PTPRD: variants seen among roughly 807,000 people sequenced by gnomAD.
The protein encoded by PTPRD is receptor-type tyrosine-protein phosphatase delta.
PTPRD carries 34 observed loss-of-function variants against 214.5 expected under a neutral mutation model. That is an observed-to-expected ratio of 0.16 (90% confidence interval 0.12 to 0.21). PTPRD has a LOEUF of 0.21. Ranked by LOEUF, PTPRD falls within the 10% of genes least tolerant of loss-of-function variation. The pLI is 1.00. For synonymous variants in PTPRD, 1,128 were observed against 845.7 expected (o/e 1.33, Z -5.79); for missense variants, 2,545 against 2,398.7 (o/e 1.06, Z -1.27).
chr9:9,799,774 G>A (rs2099027014), intron 5 of PTPRD, among the ~76,000 whole-genome samples: 1 of 152,144 alleles, frequency 6.6e-6, no homozygotes, highest in South Asian at 2.1e-4. Flanking sequence ...TAACAAAAGA[G>A]TTTGAGGCCT....
At chr9:9,669,706 T>C (rs2821478) in intron 7 of PTPRD, among the ~76,000 whole-genome samples, 37,944 of 152,040 alleles carry the variant, frequency 0.25, 5,763 homozygotes, top group Non-Finnish European at 0.34. Flanking sequence ...TCTGGCCAGT[T>C]TGAATAACTT....
chr9:8,957,070 A>G (rs1181411075), intron 11 of PTPRD, among the ~76,000 whole-genome samples: 1 of 151,900 alleles, frequency 6.6e-6, no homozygotes, highest in African/African-American at 2.4e-5. Context: ...TTTACCACTG[A>G]ATAGTCCCTT....
chr9:9,852,917 C>A (rs191246389), intron 5 of PTPRD, among the ~76,000 whole-genome samples: 1 of 152,192 alleles, frequency 6.6e-6, no homozygotes, highest in Admixed American at 6.5e-5. Context: ...GTGCACTATA[C>A]CTGAGTGAAT....
chr9:8,463,091 T>TA (rs2096458397), intron 32 of PTPRD, among the ~76,000 whole-genome samples: 1 of 151,748 alleles, frequency 6.6e-6, no homozygotes, highest in Non-Finnish European at 1.5e-5. Context: ...CCTGCATCTT[T>TA]AAAAAATTTA....
intron 14 of PTPRD, among the ~76,000 whole-genome samples, chr9:8,584,974 G>T (rs774971252): frequency 6.6e-6 from 1 of 152,172 alleles, no homozygotes; most frequent in South Asian, 2.1e-4. Flanking sequence ...CATGAGAACA[G>T]CACGGAGGTA....
At chr9:9,156,623 T>C (rs1270343334) in intron 10 of PTPRD, among the ~76,000 whole-genome samples, 1 of 152,174 alleles carries the variant, frequency 6.6e-6, no homozygotes, top group Non-Finnish European at 1.5e-5. Flanking sequence ...GACATCCATT[T>C]CAATGATTCA....
At chr9:8,723,283 C>T (rs1193269973) in intron 12 of PTPRD, among the ~76,000 whole-genome samples, 1 of 152,132 alleles carries the variant, frequency 6.6e-6, no homozygotes, top group Non-Finnish European at 1.5e-5. Context: ...TTCTTCGGCT[C>T]AAGTGTTGTA....
chr9:10,406,347 T>C (rs891712628), intron 2 of PTPRD, among the ~76,000 whole-genome samples: 1 of 151,540 alleles, frequency 6.6e-6, no homozygotes, highest in Non-Finnish European at 1.5e-5. Flanking sequence ...TTGTACAAAA[T>C]ACCTAATATT....
chr9:9,017,907 A>G (rs777836969), intron 11 of PTPRD, among the ~76,000 whole-genome samples: 1 of 152,130 alleles, frequency 6.6e-6, no homozygotes, highest in Non-Finnish European at 1.5e-5. Context: ...TTTATTGAAT[A>G]TCGTGTCTCT....
At chr9:9,827,111 C>T (rs924244140) in intron 5 of PTPRD, among the ~76,000 whole-genome samples, 5 of 152,052 alleles carry the variant, frequency 3.3e-5, no homozygotes, top group Admixed American at 2.0e-4. Flanking sequence ...GCCATCCTCC[C>T]CATCAAGCTA....
At chr9:9,242,842 TC>T (rs1479088650) in intron 9 of PTPRD, among the ~76,000 whole-genome samples, 2 of 152,160 alleles carry the variant, frequency 1.3e-5, no homozygotes, top group African/African-American at 4.8e-5. Context: ...TCTCAACTTG[TC>T]AAAGTCATTC....
intron 12 of PTPRD, among the ~76,000 whole-genome samples, chr9:8,730,133 G>A (rs1189554190): frequency 6.6e-6 from 1 of 152,126 alleles, no homozygotes. Context: ...GCGGGCACCT[G>A]TAGTCCCAGC....
At chr9:8,869,257 G>GAA (rs1170822140) in intron 11 of PTPRD, among the ~76,000 whole-genome samples, 1 of 152,134 alleles carries the variant, frequency 6.6e-6, no homozygotes, top group Non-Finnish European at 1.5e-5. Context: ...TTCTTGAGAA[G>GAA]AAAGTATTCT....
At chr9:9,628,588 T>C (rs140227664) in intron 7 of PTPRD, among the ~76,000 whole-genome samples, 377 of 152,260 alleles carry the variant, frequency 2.5e-3, no homozygotes, top group African/African-American at 8.7e-3. Flanking sequence ...CAAAGATATT[T>C]CAGATTAAAA....
At chr9:9,724,599 G>A (rs1373205231) in intron 7 of PTPRD, among the ~76,000 whole-genome samples, 2 of 152,116 alleles carry the variant, frequency 1.3e-5, no homozygotes, top group African/African-American at 2.4e-5. Context: ...GATGAAAGAA[G>A]GTCACAGAAT....
At chr9:8,331,060 A>C (rs1285888633) in intron 44 of PTPRD, among the ~76,000 whole-genome samples, 1 of 143,622 alleles carries the variant, frequency 7.0e-6, no homozygotes, top group African/African-American at 2.8e-5. Context: ...AACTATTGAA[A>C]ATAATTAACT....
intron 3 of PTPRD, among the ~76,000 whole-genome samples, chr9:10,290,812 A>G (rs909997904): frequency 6.6e-6 from 1 of 152,094 alleles, no homozygotes; most frequent in Non-Finnish European, 1.5e-5. Flanking sequence ...GGGAGGAATT[A>G]TTGTTAATTA....
At chr9:8,504,980 A>G (rs2097510807) in intron 22 of PTPRD, among the ~76,000 whole-genome samples, 1 of 152,210 alleles carries the variant, frequency 6.6e-6, no homozygotes, top group South Asian at 2.1e-4. Context: ...TAGTCACTAA[A>G]GAAAGTTGAA....
intron 8 of PTPRD, among the ~76,000 whole-genome samples, chr9:9,426,799 CTGG>C (rs1409167469): frequency 4.6e-5 from 7 of 152,254 alleles, no homozygotes; most frequent in African/African-American, 1.4e-4. Flanking sequence ...CAAACAGGGA[CTGG>C]AGTGGACCTC....
Sources: gnomAD v4.1 joint callset for allele counts (sites outside exome capture counted in the v4.1 genomes callset) on GRCh38, gnomAD v4.1.1 for gene constraint, MANE v1.5 for transcripts, NCBI Gene and HGNC (gene_info 2026-07-23, HGNC 2026-07-21) for gene names.